The following USP26 variants were observed in gnomAD, a reference collection of about 807,000 sequenced individuals.
USP26 encodes ubiquitin carboxyl-terminal hydrolase 26.
For missense variants in USP26, 649 were observed against 642.3 expected (o/e 1.01, Z -0.11); for synonymous variants, 236 against 240.6 (o/e 0.98, Z 0.18).
At chrX:133,059,696 G>A (rs1057139921) in intron 5 of USP26, among the ~76,000 whole-genome samples, 6 of 110,216 alleles carry the variant, frequency 5.4e-5, no homozygotes, top group African/African-American at 2.0e-4. Flanking sequence ...TTCTTGGCTA[G>A]CCAGGCCACT....
chrX:133,072,764 C>T (rs1240827126), intron 5 of USP26, among the ~76,000 whole-genome samples: 1 of 111,970 alleles, frequency 8.9e-6, no homozygotes, highest in Non-Finnish European at 1.9e-5. Context: ...AAATTGTATA[C>T]TCAAGAGCTG....
At chrX:133,069,185 G>A (rs2067522586) in intron 5 of USP26, among the ~76,000 whole-genome samples, 1 of 111,927 alleles carries the variant, frequency 8.9e-6, no homozygotes, top group Admixed American at 9.5e-5. Context: ...GCAATTACGT[G>A]ATATTTTGAC....
intron 5 of USP26, among the ~76,000 whole-genome samples, chrX:133,072,597 A>G (rs2067534111): frequency 8.9e-6 from 1 of 112,842 alleles, no homozygotes; most frequent in Admixed American, 9.4e-5. Context: ...AATCATGTGA[A>G]CAAATGAATA....
chrX:133,076,052 G>A (rs184826707), intron 5 of USP26, among the ~76,000 whole-genome samples: 1 of 111,624 alleles, frequency 9.0e-6, no homozygotes, highest in Admixed American at 9.5e-5. Flanking sequence ...TGGATTAACA[G>A]GTCATCAGAA....
chrX:133,024,320 A>C lies in USP26; in HGVS notation c.*1159T>G, dbSNP rs1052399638. 9.0e-6 allele frequency among the ~76,000 whole-genome samples: 1 copy of C among 111,546 alleles called. No individual in the cohort carries two copies. Among genetic ancestry groups the C allele is most frequent in the African/African-American group, 3.3e-5 (1 of 30,700 alleles). On this transcript the variant is annotated 3_prime_UTR_variant, in exon 6 of 6. Transcript: ENST00000511190. ...TCTGGAATTAGTCATGTAATGTTGA[A>C]TGCAGAGGATTGTTCAAGGTTTCGC...
intron 5 of USP26, among the ~76,000 whole-genome samples, chrX:133,060,920 T>C (rs998282307): frequency 2.7e-5 from 3 of 111,903 alleles, no homozygotes; most frequent in African/African-American, 6.5e-5. Flanking sequence ...AATTGATATG[T>C]AGTCACTGTA....
intron 1 of USP26, among the ~76,000 whole-genome samples, chrX:133,091,967 A>G (rs917375897): frequency 8.9e-6 from 1 of 112,178 alleles, no homozygotes; most frequent in Non-Finnish European, 1.9e-5. Context: ...GTGGATGGAC[A>G]GCCCAGCACC....
chrX:133,071,990 A>C (rs1434930409), intron 5 of USP26, among the ~76,000 whole-genome samples: 1 of 111,781 alleles, frequency 8.9e-6, no homozygotes, highest in Non-Finnish European at 1.9e-5. Context: ...CATGGTAGGC[A>C]GTCAAATATC....
intron 5 of USP26, among the ~76,000 whole-genome samples, chrX:133,029,481 G>A (rs1376752802): frequency 1.8e-5 from 2 of 112,021 alleles, no homozygotes; most frequent in Non-Finnish European, 3.8e-5. Context: ...TATTTTTCAT[G>A]GTAGAAATGG....
At chrX:133,040,555 G>C (rs1017444716) in intron 5 of USP26, among the ~76,000 whole-genome samples, 3 of 112,040 alleles carry the variant, frequency 2.7e-5, no homozygotes, top group Non-Finnish European at 3.8e-5. Flanking sequence ...TCTGTAGAGA[G>C]ATTTGCTGTT....
Position 133,026,536 on chromosome X carries a change from C to T in USP26, c.1685G>A (p.Ser562Asn). The T allele has an allele frequency of 1.7e-6, 2 of 1,209,937 alleles. No homozygotes were observed. Among genetic ancestry groups the T allele is most frequent in the East Asian group, 3.0e-5 (1 of 33,748 alleles). The change falls in exon 6 of 6, where the codon AGT becomes AAT. Residue 562 changes from serine (S) to asparagine (N), a missense_variant. Coordinates refer to ENST00000511190, the MANE Select transcript of USP26 (RefSeq NM_031907.3). ...NEGTRPPLPL[S>N]EDGEITDFQL... ...GAAATCTGTAATTTCTCCATCCTCA[C>T]TCAAGGGAAGAGGTGGTCTGGTGCC...
chrX:133,025,864 T>C lies in USP26; in HGVS notation c.2357A>G (p.Asn786Ser). The change falls in exon 6 of 6, where the codon AAT (asparagine) becomes AGT (serine). Residue 786 changes from asparagine (N) to serine (S), a missense_variant. Transcript: ENST00000511190. ...TKLNLQKSNR[N>S]SLLALGSNKN... ...ATTGGAACCCAGTGCAAGTAGGGAA[T>C]TCCTGTTAGACTTCTGTAGATTTAA... The C allele has an allele frequency of 1.1e-5, 13 of 1,211,019 alleles. No individual in the cohort carries two copies. Among genetic ancestry groups the C allele is most frequent in the Non-Finnish European group, 1.2e-5 (11 of 894,945 alleles).
intron 5 of USP26, among the ~76,000 whole-genome samples, chrX:133,034,672 G>T (rs768842758): frequency 9.0e-6 from 1 of 111,488 alleles, no homozygotes; most frequent in Non-Finnish European, 1.9e-5. Context: ...CACTGCACAA[G>T]AATTACCATA....
At chrX:133,086,512 A>C (rs1215238905) in intron 4 of USP26, among the ~76,000 whole-genome samples, 4 of 111,160 alleles carry the variant, frequency 3.6e-5, no homozygotes, top group Non-Finnish European at 7.5e-5. Context: ...CTGGAGGCTG[A>C]GGTGGGAGGA....
chrX:133,071,492 A>G (rs948033685), intron 5 of USP26, among the ~76,000 whole-genome samples: 2 of 110,766 alleles, frequency 1.8e-5, no homozygotes, highest in Non-Finnish European at 3.8e-5. Flanking sequence ...CAGTCCAGAA[A>G]CAGTAACTCA....
intron 5 of USP26, among the ~76,000 whole-genome samples, chrX:133,041,696 T>G (rs1418098754): frequency 8.9e-6 from 1 of 112,525 alleles, no homozygotes; most frequent in Non-Finnish European, 1.9e-5. Flanking sequence ...AAGGAGGCAG[T>G]CTGTCCCTTA....
intron 5 of USP26, among the ~76,000 whole-genome samples, chrX:133,057,520 A>C: frequency 9.1e-6 from 1 of 110,466 alleles, no homozygotes; most frequent in East Asian, 2.8e-4. Flanking sequence ...TGTTTGCCTT[A>C]GGATTAAATT....
Position 133,050,608 on chromosome X carries a change from A to T in USP26, c.-76-22312T>A, listed in dbSNP as rs747871665. On this transcript the variant is annotated intron_variant, in intron 5 of 5. Coordinates refer to ENST00000511190, the MANE Select transcript of USP26 (RefSeq NM_031907.3). ...AACTATAAAGGTATAATTTTTTTTT[A>T]AAAAAAGAAGCAATAATATTAAGCA... Among the ~76,000 whole-genome samples the T allele has an allele frequency of 8.1e-5, 9 of 111,308 alleles. No individual in the cohort carries two copies. In the South Asian group the frequency reaches 1.5e-3, roughly 19 times the overall value.
intron 5 of USP26, among the ~76,000 whole-genome samples, chrX:133,055,522 C>A (rs1228337821): frequency 9.0e-6 from 1 of 111,537 alleles, no homozygotes; most frequent in African/African-American, 3.3e-5. Context: ...CAAGCTTCCA[C>A]TGAGGGAATT....
Sources: gnomAD v4.1 joint callset for allele counts (sites outside exome capture counted in the v4.1 genomes callset) on GRCh38, gnomAD v4.1.1 for gene constraint, MANE v1.5 for transcripts, NCBI Gene and HGNC (gene_info 2026-07-23, HGNC 2026-07-21) for gene names.